The following WWOX variants were observed in gnomAD, a reference collection of about 807,000 sequenced individuals.
WWOX encodes the protein WW domain-containing oxidoreductase.
WWOX carries 69 observed loss-of-function variants against 46.2 expected under a neutral mutation model. The observed-to-expected ratio is 1.49, with a 90% CI of 1.23 to 1.82. WWOX has a LOEUF of 1.82. Among genes scored for constraint, WWOX ranks in the 40% most tolerant of loss-of-function variants. The pLI is 0.00. For missense variants in WWOX, 919 were observed against 542.6 expected (o/e 1.69, Z -6.89); for synonymous variants, 359 against 202.6 (o/e 1.77, Z -6.56).
chr16:79,175,633 C>T (rs1052186250), intron 8 of WWOX, among the ~76,000 whole-genome samples: 3 of 152,314 alleles, frequency 2.0e-5, no homozygotes, highest in African/African-American at 7.2e-5. Context: ...GTGTCTAACT[C>T]AGCTGTGATG....
rs529904334 is a variant in WWOX, at chr16:78,617,150, G to A, written c.1056+184398G>A. ...TGATAGGCCTGTTGTGGTGGCTCAC[G>A]CCTGTAATCCCAGCACTTTGGGAGG... On this transcript the variant is annotated intron_variant, in intron 8 of 8. Transcript: ENST00000566780. Among the ~76,000 whole-genome samples, 187 of 152,150 alleles carry A rather than the reference G, an allele frequency of 1.2e-3. No homozygotes were observed. The Middle Eastern group carries it at 0.017, about 14-fold the overall frequency.
At chr16:78,504,351 A>G (rs2085141020) in intron 8 of WWOX, among the ~76,000 whole-genome samples, 1 of 152,238 alleles carries the variant, frequency 6.6e-6, no homozygotes, top group Non-Finnish European at 1.5e-5. Context: ...GGAGAAAGGT[A>G]CTTTCTGAGA....
intron 5 of WWOX, among the ~76,000 whole-genome samples, chr16:78,198,558 G>A (rs2036130181): frequency 6.6e-6 from 1 of 152,170 alleles, no homozygotes; most frequent in East Asian, 1.9e-4. Context: ...GCAACTTCTA[G>A]GAGAAATTTC....
At chr16:78,861,567 C>T (rs758305097) in intron 8 of WWOX, among the ~76,000 whole-genome samples, 2 of 152,096 alleles carry the variant, frequency 1.3e-5, no homozygotes, top group African/African-American at 4.8e-5. Context: ...TTTTGAGTAA[C>T]TAAAAGTAAG....
chr16:78,594,844 T>A (rs1421759315), intron 8 of WWOX, among the ~76,000 whole-genome samples: 2 of 152,226 alleles, frequency 1.3e-5, no homozygotes, highest in African/African-American at 4.8e-5. Flanking sequence ...TTTCATAGTT[T>A]CTCTGTTTCA....
intron 8 of WWOX, among the ~76,000 whole-genome samples, chr16:78,505,751 C>G (rs1237491105): frequency 6.6e-6 from 1 of 152,158 alleles, no homozygotes; most frequent in African/African-American, 2.4e-5. Flanking sequence ...GAAGAAACCC[C>G]AAGCATTTGG....
At chr16:78,439,894 C>T (rs1487554054) in intron 8 of WWOX, among the ~76,000 whole-genome samples, 1 of 152,184 alleles carries the variant, frequency 6.6e-6, no homozygotes, top group Admixed American at 6.5e-5. Context: ...TCTGAAGGCA[C>T]AGATGGGAGG....
intron 8 of WWOX, among the ~76,000 whole-genome samples, chr16:78,514,774 A>G (rs2085448973): frequency 1.3e-5 from 2 of 152,212 alleles, no homozygotes; most frequent in South Asian, 4.1e-4. Context: ...ATAGATATAC[A>G]TAAATAATGT....
intron 8 of WWOX, among the ~76,000 whole-genome samples, chr16:78,632,454 G>A (rs1350343952): frequency 2.6e-5 from 4 of 151,766 alleles, no homozygotes; most frequent in African/African-American, 9.7e-5. Flanking sequence ...TTTGAAGAGG[G>A]TGTAGGCCAA....
intron 8 of WWOX, among the ~76,000 whole-genome samples, chr16:78,572,277 C>G (rs567371709): frequency 1.3e-5 from 2 of 152,244 alleles, no homozygotes; most frequent in African/African-American, 2.4e-5. Flanking sequence ...ACAGAAGAAT[C>G]TCAGCAACAT....
chr16:78,556,826 C>G (rs2738514), intron 8 of WWOX, among the ~76,000 whole-genome samples: 87,378 of 151,884 alleles, frequency 0.58, 27,961 homozygotes, highest in East Asian at 0.72. Flanking sequence ...TCAAGCAATT[C>G]TCGCACCTCA....
intron 8 of WWOX, among the ~76,000 whole-genome samples, chr16:78,571,810 G>A (rs142270997): frequency 0.018 from 2,722 of 152,204 alleles, 43 homozygotes; most frequent in Admixed American, 0.042. Context: ...AGGTTGTAGT[G>A]AGCTGAGATG....
intron 4 of WWOX, among the ~76,000 whole-genome samples, chr16:78,151,221 G>A (rs1465307918): frequency 6.6e-6 from 1 of 152,024 alleles, no homozygotes; most frequent in African/African-American, 2.4e-5. Flanking sequence ...CCTGGATGAA[G>A]ACCCAGTATG....
intron 4 of WWOX, among the ~76,000 whole-genome samples, chr16:78,153,532 G>A (rs1396579257): frequency 6.6e-6 from 1 of 152,070 alleles, no homozygotes; most frequent in Non-Finnish European, 1.5e-5. Flanking sequence ...CAGGGAGGGA[G>A]AGGATGTGTG....
intron 8 of WWOX, among the ~76,000 whole-genome samples, chr16:78,704,275 G>T (rs963140621): frequency 2.6e-4 from 39 of 152,050 alleles, no homozygotes; most frequent in Admixed American, 1.3e-3. Flanking sequence ...CCCATAGCGG[G>T]TATCTCCAAA....
intron 8 of WWOX, among the ~76,000 whole-genome samples, chr16:78,604,706 C>CCCTCCTT (rs2045703625): frequency 1.7e-4 from 2 of 12,112 alleles, no homozygotes; most frequent in African/African-American, 7.3e-4. Flanking sequence ...CTTCCCCCCT[C>CCCTCCTT]CCTCCTTCCC....
chr16:78,334,792 CCA>C (rs879936910), intron 5 of WWOX, among the ~76,000 whole-genome samples: 4,695 of 131,046 alleles, frequency 0.036, 211 homozygotes, highest in African/African-American at 0.11. Context: ...AGTCTCCCCT[CCA>C]CACACACACA....
At chr16:78,659,041 G>A (rs1217777990) in intron 8 of WWOX, among the ~76,000 whole-genome samples, 4 of 150,350 alleles carry the variant, frequency 2.7e-5, no homozygotes, top group East Asian at 2.0e-4. Context: ...GCAGTGAGCC[G>A]AGATTGTGCC....
chr16:78,782,918 A>G (rs776149400), intron 8 of WWOX, among the ~76,000 whole-genome samples: 2 of 152,198 alleles, frequency 1.3e-5, no homozygotes, highest in Non-Finnish European at 2.9e-5. Flanking sequence ...TCTATTACAA[A>G]GGCTCTTTTG....
Sources: allele counts gnomAD v4.1 joint callset (sites outside exome capture counted in the v4.1 genomes callset), GRCh38; gene constraint gnomAD v4.1.1; transcripts MANE v1.5; gene names NCBI Gene and HGNC (gene_info 2026-07-23, HGNC 2026-07-21).